SLC28A1: variants seen among roughly 807,000 people sequenced by gnomAD.
The protein encoded by SLC28A1 is sodium/nucleoside cotransporter 1.
Under a neutral mutation model 74.8 loss-of-function variants are expected in SLC28A1, and 64 were observed. That is an observed-to-expected ratio of 0.86 (90% CI 0.70 to 1.05). The LOEUF is 1.05. Ranked by LOEUF, SLC28A1 falls within the 50% of genes least tolerant of loss-of-function variation. SLC28A1 has a pLI of 0.00. For synonymous variants in SLC28A1, 359 were observed against 335.0 expected (o/e 1.07, Z -0.78); for missense variants, 828 against 822.8 (o/e 1.01, Z -0.08).
chr15:84,944,441 A>G (rs2142063003), intron 16 of SLC28A1, 125 bp from the exon 17 acceptor site: 2 of 737,260 alleles, frequency 2.7e-6, no homozygotes, highest in Non-Finnish European at 4.9e-6. Flanking sequence ...GGAGGACAAC[A>G]TCTGTCCCTC....
At chr15:84,950,533 C>A (rs1052541804), downstream of SLC28A1, among the ~76,000 whole-genome samples, 1 of 151,946 alleles carries the variant, frequency 6.6e-6, no homozygotes, top group Non-Finnish European at 1.5e-5. Flanking sequence ...CATAGTGAGA[C>A]CCTGTCTCCA....
chr15:84,930,548 C>T (rs1330851677), intron 12 of SLC28A1, among the ~76,000 whole-genome samples: 1 of 151,542 alleles, frequency 6.6e-6, no homozygotes, highest in East Asian at 1.9e-4. Flanking sequence ...TCCAGCCTGG[C>T]TTCTCAGCAG....
At chr15:84,923,740 C>T (rs7167591) in intron 11 of SLC28A1, among the ~76,000 whole-genome samples, 48,114 of 151,962 alleles carry the variant, frequency 0.32, 8,239 homozygotes, top group Middle Eastern at 0.46. Flanking sequence ...TAGCGGGGTG[C>T]CTGGCACGTG....
intron 12 of SLC28A1, among the ~76,000 whole-genome samples, chr15:84,927,627 A>T (rs1190110754): frequency 2.6e-5 from 4 of 152,124 alleles, no homozygotes; most frequent in African/African-American, 9.7e-5. Flanking sequence ...AGGCAGAGGG[A>T]AGTTAAAGCA....
chr15:84,895,612 G>A, intron 6 of SLC28A1: 1 of 1,483,992 alleles, frequency 6.7e-7, no homozygotes, highest in East Asian at 2.5e-5. Context: ...TTGGAGCGCT[G>A]GAAATCTCAG....
intron 15 of SLC28A1, chr15:84,938,655 C>T (rs1050424594): frequency 2.6e-5 from 4 of 151,526 alleles, no homozygotes; most frequent in Admixed American, 6.6e-5. Flanking sequence ...CTCATGGAAC[C>T]GACATGTAGT....
In SLC28A1 at chr15:84,888,768, G is replaced by A. The variant is rs1303922926; in HGVS notation, c.97-4G>A. ...CCGACCTGACGGCTCCCTGCGGGCT[G>A]TAGGAGGAAGGCCAGCTCCCTAGGA... On this transcript the variant is annotated splice_polypyrimidine_tract_variant and splice_region_variant and intron_variant, in intron 3 of 18. Transcript: ENST00000394573. The A allele has an allele frequency of 2.6e-6, 4 of 1,551,702 alleles. No individual in the cohort carries two copies. Among genetic ancestry groups the A allele is most frequent in the Non-Finnish European group, 3.5e-6 (4 of 1,146,946 alleles).
intron 9 of SLC28A1, among the ~76,000 whole-genome samples, chr15:84,916,558 T>A (rs1969134563): frequency 6.6e-6 from 1 of 152,084 alleles, no homozygotes; most frequent in Non-Finnish European, 1.5e-5. Flanking sequence ...AACCTGTACT[T>A]CTTATGAAAG....
chr15:84,896,447 G>A (rs1966006675), intron 6 of SLC28A1, among the ~76,000 whole-genome samples: 1 of 152,210 alleles, frequency 6.6e-6, no homozygotes, highest in African/African-American at 2.4e-5. Context: ...AACAAGTGAT[G>A]GCAAAGATAT....
At position 84,921,186 on chromosome 15, in the gene SLC28A1, C is replaced by T. The variant is rs564444270; in HGVS notation, c.957+117C>T. 63 of 794,272 alleles carry T rather than the reference C, an allele frequency of 7.9e-5. No homozygotes were observed. In the African/African-American group the frequency reaches 1.0e-3, roughly 13 times the overall value. 49.2% of individuals were successfully genotyped at this position (794,272 alleles called of 1,614,324 possible). On this transcript the variant is annotated intron_variant, in intron 11 of 18. Transcript: ENST00000394573. ...AGGAAGAGCCATTTGAACCTTCTCCCAGGGTCATCAAATTCTGCTGCTCCA... is the reference window on the plus strand; with the variant it reads ...AGGAAGAGCCATTTGAACCTTCTCCTAGGGTCATCAAATTCTGCTGCTCCA...
intron 8 of SLC28A1, among the ~76,000 whole-genome samples, chr15:84,906,601 C>T (rs1404839350): frequency 6.9e-6 from 1 of 144,626 alleles, no homozygotes; most frequent in African/African-American, 2.6e-5. Flanking sequence ...TTCCTTCCTT[C>T]CTTCCTTCCT....
intron 4 of SLC28A1, 111 bp from the exon 5 acceptor site, chr15:84,890,332 G>A (rs1467681728): frequency 1.3e-6 from 1 of 786,108 alleles, no homozygotes; most frequent in East Asian, 2.7e-5. Context: ...GCAAGCCCTG[G>A]CTTGCCCCTG....
chr15:84,963,515 G>A, the SLC28A1 span, among the ~76,000 whole-genome samples: 6 of 152,298 alleles, frequency 3.9e-5, no homozygotes, highest in African/African-American at 4.8e-5. Context: ...GTGGCGGAGG[G>A]TGGGACACCC....
chr15:84,895,090 A>G lies in SLC28A1; in HGVS notation c.428A>G (p.Gln143Arg). Residue 143 changes from glutamine (Q) to arginine (R), a missense_variant, in exon 6 of 19, where the codon CAG becomes CGG. Gln to Arg is a conservative substitution (Grantham distance 43). Transcript: ENST00000394573. ...GPKLRRFLKP[Q>R]GHPRLLLWFK... ...AAGCTGAGGAGGTTTCTCAAGCCTC[A>G]GGGCCATCCCCGCCTGCTGCTCTGG... 1 of 1,613,844 alleles carries G rather than the reference A, an allele frequency of 6.2e-7. No homozygotes were observed. The highest frequency in any genetic ancestry group is 8.5e-7 in the Non-Finnish European group (1 of 1,179,824).
Position 84,917,036 on chromosome 15 carries a change from A to T in SLC28A1, c.796-1488A>T, listed in dbSNP as rs535764478. Among the ~76,000 whole-genome samples, 218 of 145,824 alleles carry T rather than the reference A, an allele frequency of 1.5e-3. 9 individuals carry two copies. Among genetic ancestry groups the T allele is most frequent in the African/African-American group, 4.1e-3 (164 of 40,032 alleles). ...GAGTGAGATTCTGTCTCAAAAAAAA[A>T]AAAATAAATAAAAAAGGTAGGAACA... On this transcript the variant is annotated intron_variant, in intron 9 of 18. Coordinates refer to ENST00000394573, the MANE Select transcript of SLC28A1 (RefSeq NM_004213.5).
Position 84,890,548 on chromosome 15 carries a change from C to T in SLC28A1, c.277+14C>T, listed in dbSNP as rs775013072. ...TGCTCTGCACTGGTGAGCCTGGGGC[C>T]CAGCACTACCCAGGACACAATGACT... On this transcript the variant is annotated intron_variant, in intron 5 of 18. Transcript: ENST00000394573. 1 of 1,590,528 alleles carries T rather than the reference C, an allele frequency of 6.3e-7. No homozygotes were observed. The highest frequency in any genetic ancestry group is 8.6e-7 in the Non-Finnish European group (1 of 1,163,666).
intron 9 of SLC28A1, 48 bp from the exon 10 acceptor site, chr15:84,918,476 C>A: frequency 6.7e-7 from 1 of 1,491,556 alleles, no homozygotes. Flanking sequence ...TGGCACCCTG[C>A]ATCCTGCCTG....
In SLC28A1 at chr15:84,900,218, C is replaced by T. The variant is rs968324931; in HGVS notation, c.462-3879C>T. On this transcript the variant is annotated intron_variant, in intron 6 of 18. Coordinates refer to ENST00000394573, the MANE Select transcript of SLC28A1 (RefSeq NM_004213.5). ...CATGCGCCTGTAGTATCAGCTATTA[C>T]ACTTGGGTGGCTGAGGGACAAGAAT... Among the ~76,000 whole-genome samples, 6 of 151,408 alleles carry T rather than the reference C, an allele frequency of 4.0e-5. No homozygotes were observed. The East Asian group carries it at 1.2e-3, about 30-fold the overall frequency.
chr15:84,942,102 A>G (rs1972788152), intron 15 of SLC28A1, among the ~76,000 whole-genome samples: 1 of 152,138 alleles, frequency 6.6e-6, no homozygotes, highest in South Asian at 2.1e-4. Context: ...TAATTTTTAT[A>G]TAGTGTGAGG....
Sources: allele counts gnomAD v4.1 joint callset (sites outside exome capture counted in the v4.1 genomes callset), GRCh38; gene constraint gnomAD v4.1.1; transcripts MANE v1.5; gene names NCBI Gene and HGNC (gene_info 2026-07-23, HGNC 2026-07-21).